FANCM: variants seen among roughly 807,000 people sequenced by gnomAD.
FANCM encodes Fanconi anemia group M protein.
Under a neutral mutation model 199.5 loss-of-function variants are expected in FANCM, and 140 were observed. The ratio of observed to expected loss-of-function variants is 0.70; its 90% CI spans 0.61 to 0.81. The LOEUF is 0.81. Among genes scored for constraint, FANCM ranks in the 30% least tolerant of loss-of-function variants. The pLI, the probability that FANCM is intolerant of heterozygous loss-of-function variation, is 0.00. For missense variants in FANCM, 2,410 were observed against 2,421.4 expected, an observed-to-expected ratio of 1.00 and a Z score of 0.10; for synonymous variants, 840 against 836.8, an observed-to-expected ratio of 1.00 and a Z score of -0.07.
rs1461569810 is a variant in FANCM at position 45,173,230 on chromosome 14, T to A, written c.2316+20T>A. 4 of 1,607,442 alleles carry A rather than the reference T, an allele frequency of 2.5e-6. No homozygotes were observed. Among genetic ancestry groups the A allele is most frequent in the Non-Finnish European group, 3.4e-6 (4 of 1,174,082 alleles). On this transcript the variant is annotated intron_variant, in intron 13 of 22. Coordinates refer to ENST00000267430, the MANE Select transcript of FANCM (RefSeq NM_020937.4). ...GAAGAGGTGGGGTTTTATTGTAACT[T>A]TCTCTTGCTGGTATGATAGTAAAAC...
Position 45,136,484 on chromosome 14 carries a change from C to G in FANCM, c.453C>G (p.Ile151Met), listed in dbSNP as rs1225822038. 1.2e-6 allele frequency: 2 copies of G among 1,613,984 alleles called. No individual in the cohort carries two copies. The highest frequency in any genetic ancestry group is 1.1e-5 in the South Asian group (1 of 91,080). ...CGAAACCCTTGGTGACACAGCAGAT[C>G]GAGGCTTGCTACCAGGTGATGGGTA... Reference protein sequence around the residue: ...APTKPLVTQQIEACYQVMGIP... With the variant: ...APTKPLVTQQMEACYQVMGIP... The change falls in exon 1 of 23, where the codon ATC becomes ATG. Residue 151 changes from isoleucine (I) to methionine (M), a missense_variant. Physicochemically the swap from Ile to Met is conservative, Grantham distance 10. Coordinates refer to ENST00000267430, the MANE Select transcript of FANCM (RefSeq NM_020937.4).
chr14:45,176,560 T>C lies in FANCM; in HGVS notation c.3806T>C (p.Ile1269Thr), dbSNP rs1397720682. 1 of 1,603,566 alleles carries C rather than the reference T, an allele frequency of 6.2e-7. No individual in the cohort carries two copies. Among genetic ancestry groups the C allele is most frequent in the South Asian group, 1.1e-5 (1 of 89,554 alleles). Residue 1269 changes from isoleucine to threonine, a missense_variant, in exon 14 of 23, where the codon ATA becomes ACA. Coordinates refer to ENST00000267430, the MANE Select transcript of FANCM (RefSeq NM_020937.4). ...GGAAGGTATTTGGAAATTAAGGAGATAAGTGATGCAAATTATGTTTCGAAT... is the reference window on the plus strand; with the variant it reads ...GGAAGGTATTTGGAAATTAAGGAGACAAGTGATGCAAATTATGTTTCGAAT... ...LYGRYLEIKE[I>T]SDANYVSNQA...
At chr14:45,168,952 C>T (rs376294501) in intron 11 of FANCM, among the ~76,000 whole-genome samples, 11 of 151,562 alleles carry the variant, frequency 7.3e-5, no homozygotes, top group African/African-American at 2.2e-4. Context: ...GAGACAGTCT[C>T]GTGTTGTCGC....
At chr14:45,147,767 C>T (rs956963994) in intron 3 of FANCM, among the ~76,000 whole-genome samples, 2 of 151,728 alleles carry the variant, frequency 1.3e-5, no homozygotes, top group Admixed American at 1.3e-4. Flanking sequence ...GTGACATATG[C>T]CTGTAGTCCC....
chr14:45,148,719 A>G, intron 3 of FANCM, 118 bp from the exon 4 acceptor site: 1 of 674,586 alleles, frequency 1.5e-6, no homozygotes, highest in South Asian at 1.8e-5. Context: ...TTGTTACTTA[A>G]TGATATAAAT....
chr14:45,159,271 G>C lies in FANCM; in HGVS notation c.1572G>C (p.Glu524Asp). 1.2e-6 allele frequency: 2 copies of C among 1,610,644 alleles called. No homozygotes were observed. Among genetic ancestry groups the C allele is most frequent in the Non-Finnish European group, 1.7e-6 (2 of 1,177,280 alleles). ...GCACGAAGGGTTTTACCCAGAAGGAGCAACTGGAGGTAATTATTTTTGGAA... is the reference window on the plus strand; with the variant it reads ...GCACGAAGGGTTTTACCCAGAAGGACCAACTGGAGGTAATTATTTTTGGAA... ...GKSTKGFTQK[E>D]QLEVVKQFRD... Residue 524 changes from glutamate to aspartate, a missense_variant, in exon 9 of 23, where the codon GAG becomes GAC. Glu to Asp is a conservative substitution (Grantham distance 45, BLOSUM62 2). Coordinates refer to ENST00000267430, the MANE Select transcript of FANCM (RefSeq NM_020937.4).
intron 17 of FANCM, 92 bp downstream of exon 17, chr14:45,183,994 C>T: frequency 3.3e-6 from 3 of 899,958 alleles, no homozygotes; most frequent in Non-Finnish European, 5.0e-6. Context: ...TATACATTCT[C>T]TTTATAGAAA....
At position 45,155,356 on chromosome 14, in the gene FANCM, T is replaced by G; in HGVS notation, c.1310-17T>G. On this transcript the variant is annotated splice_polypyrimidine_tract_variant and intron_variant, in intron 7 of 22. Coordinates refer to ENST00000267430, the MANE Select transcript of FANCM (RefSeq NM_020937.4). ...AAAAAAACAGAAAAAAATTTTGATA[T>G]TTTTGTTTTGTTCCAGGAGATAAAA... is the stretch of plus-strand genomic sequence containing the variant. The G allele has an allele frequency of 9.0e-7, 1 of 1,113,586 alleles. No individual in the cohort carries two copies. Among genetic ancestry groups the G allele is most frequent in the Non-Finnish European group, 1.4e-6 (1 of 732,518 alleles). The allele number at this position is 1,113,586 out of a possible 1,614,324, so 69.0% of individuals were successfully genotyped here.
rs771181716 is a variant in FANCM, at chr14:45,136,017, G to T, written c.-15G>T. 27 of 1,612,840 alleles carry T rather than the reference G, an allele frequency of 1.7e-5. No homozygotes were observed. In the South Asian group the frequency reaches 3.0e-4, roughly 18 times the overall value. ...TACGGATATCTGACAGAAGCCTTCG[G>T]TGGTTGTCGGCCTAATGAGCGGACG... On this transcript the variant is annotated 5_prime_UTR_variant, in exon 1 of 23. Transcript: ENST00000267430.
In FANCM at chr14:45,164,413, G is replaced by A. The variant is rs768676143; in HGVS notation, c.1636G>A (p.Gly546Ser). ...GYNTLVSTCV[G>S]EEGLDIGEVD... Reference sequence around the variant, plus strand: ...CAACACGCTGGTTTCTACCTGTGTGGGTGAAGAAGGTTTGGATATAGGAGA... The same window carrying A: ...CAACACGCTGGTTTCTACCTGTGTGAGTGAAGAAGGTTTGGATATAGGAGA... The change falls in exon 10 of 23, where the codon GGT becomes AGT. Residue 546 changes from glycine (G) to serine (S), a missense_variant. By Grantham distance (56) the Gly-to-Ser change is moderately conservative. Coordinates refer to ENST00000267430, the MANE Select transcript of FANCM (RefSeq NM_020937.4). 191 of 1,613,322 alleles carry A rather than the reference G, an allele frequency of 1.2e-4. No individual in the cohort carries two copies. Among genetic ancestry groups the A allele is most frequent in the Non-Finnish European group, 1.6e-4 (187 of 1,179,992 alleles).
chr14:45,138,003 C>T (rs529942664), intron 2 of FANCM: 1 of 152,010 alleles, frequency 6.6e-6, no homozygotes, highest in South Asian at 2.1e-4. Flanking sequence ...AGATTTCTGA[C>T]TTGGAAAACT....
At position 45,136,212 on chromosome 14, in the gene FANCM, G is replaced by A. The variant is rs1885483218; in HGVS notation, c.181G>A (p.Ala61Thr). ...ESDDDVLLVA[A>T]YEAERQLCLE... ...GGACGATGATGTGTTGCTTGTCGCG[G>A]CGTACGAGGCTGAGCGGCAGTTGTG... is the stretch of plus-strand genomic sequence containing the variant. The change falls in exon 1 of 23, where the codon GCG becomes ACG. Residue 61 changes from alanine (A) to threonine (T), a missense_variant. Transcript: ENST00000267430. 4 of 1,614,176 alleles carry A rather than the reference G, an allele frequency of 2.5e-6. No homozygotes were observed. The highest frequency in any genetic ancestry group is 2.5e-6 in the Non-Finnish European group (3 of 1,180,028).
chr14:45,189,218 A>T lies in FANCM; in HGVS notation c.5196A>T (p.Lys1732Asn), dbSNP rs2139297724. ...PRVNPLAKQS[K>N]QTSLNLKDTI... ...TTAATCCATTAGCAAAGCAGAGCAA[A>T]CAGACATCGCTGAATTTAAAGGATA... Residue 1732 changes from lysine to asparagine, a missense_variant, in exon 20 of 23, where the codon AAA (lysine) becomes AAT (asparagine). Lys to Asn is a moderately conservative substitution (Grantham distance 94, BLOSUM62 0). Coordinates refer to ENST00000267430, the MANE Select transcript of FANCM (RefSeq NM_020937.4). 2 of 1,614,156 alleles carry T rather than the reference A, an allele frequency of 1.2e-6. No homozygotes were observed. Among genetic ancestry groups the T allele is most frequent in the Non-Finnish European group, 1.7e-6 (2 of 1,180,012 alleles).
At chr14:45,147,808 G>A (rs1337371105) in intron 3 of FANCM, among the ~76,000 whole-genome samples, 2 of 151,518 alleles carry the variant, frequency 1.3e-5, no homozygotes, top group East Asian at 1.9e-4. Context: ...CAGGAGAATC[G>A]CTTGAACCCG....
At position 45,176,435 on chromosome 14, in the gene FANCM, A is replaced by G. The variant is rs61749475; in HGVS notation, c.3681A>G (p.Leu1227=). 8.4e-5 allele frequency: 135 copies of G among 1,612,932 alleles called. No homozygotes were observed. The African/African-American group carries it at 1.7e-3, about 20-fold the overall frequency. Residue 1227 remains leucine, a synonymous_variant, in exon 14 of 23, where the codon TTA becomes TTG. Transcript: ENST00000267430. ...ATATTTTTGATTGCTCTAGGGATTTATTTTCTGTTACCTTTGATTTAGGAT... is the reference window on the plus strand; with the variant it reads ...ATATTTTTGATTGCTCTAGGGATTTGTTTTCTGTTACCTTTGATTTAGGAT... ...HEDIFDCSRD[L]FSVTFDLGFC... is the part of the protein sequence containing the mutation.
At chr14:45,149,432 T>C (rs534043531) in intron 4 of FANCM, among the ~76,000 whole-genome samples, 1 of 152,068 alleles carries the variant, frequency 6.6e-6, no homozygotes, top group Non-Finnish European at 1.5e-5. Flanking sequence ...TTTTGTTGTT[T>C]TTTGTTCAGC....
Position 45,174,168 on chromosome 14 carries a change from C to T in FANCM, c.2317-903C>T, listed in dbSNP as rs142654077. On this transcript the variant is annotated intron_variant, in intron 13 of 22. Transcript: ENST00000267430. Reference sequence around the variant, plus strand: ...TTGGGAGGCCGAAGCAGGCAGATCACTTGAGGTCAGGAGTTCGAGACCAGC... The same window carrying T: ...TTGGGAGGCCGAAGCAGGCAGATCATTTGAGGTCAGGAGTTCGAGACCAGC... 6.2e-3 allele frequency among the ~76,000 whole-genome samples: 942 copies of T among 152,148 alleles called. 7 individuals carry two copies. The highest frequency in any genetic ancestry group is 0.022 in the African/African-American group (905 of 41,508).
intron 4 of FANCM, 148 bp downstream of exon 4, chr14:45,149,143 G>C (rs1328962626): frequency 2.8e-6 from 2 of 714,588 alleles, no homozygotes; most frequent in East Asian, 5.4e-5. Context: ...AAAATTTTTG[G>C]AATGAGCACT....
At chr14:45,197,522 T>G (rs1594483602) in intron 21 of FANCM, among the ~76,000 whole-genome samples, 1 of 151,564 alleles carries the variant, frequency 6.6e-6, no homozygotes, top group Non-Finnish European at 1.5e-5. Context: ...TGGAGTGCAG[T>G]GGCATGATCT....
Sources: allele counts gnomAD v4.1 joint callset (sites outside exome capture counted in the v4.1 genomes callset), GRCh38; gene constraint gnomAD v4.1.1; transcripts MANE v1.5; gene names NCBI Gene and HGNC (gene_info 2026-07-23, HGNC 2026-07-21).